BRIP1: variants seen among roughly 807,000 people sequenced by gnomAD.
BRIP1 encodes Fanconi anemia group J protein.
Under a neutral mutation model 119.7 loss-of-function variants are expected in BRIP1, and 88 were observed. The ratio of observed to expected loss-of-function variants is 0.74; its 90% CI spans 0.62 to 0.88. The LOEUF is 0.88. BRIP1 is among the 40% of genes least tolerant of loss of function. BRIP1 has a pLI of 0.00. For synonymous variants in BRIP1, 443 were observed against 496.5 expected, an observed-to-expected ratio of 0.89 and a Z score of 1.43; for missense variants, 1,259 against 1,455.4, an observed-to-expected ratio of 0.87 and a Z score of 2.20.
chr17:61,688,337 T>C (rs1281714533), intron 18 of BRIP1, among the ~76,000 whole-genome samples: 1 of 152,006 alleles, frequency 6.6e-6, no homozygotes, highest in Non-Finnish European at 1.5e-5. Flanking sequence ...AAGAATTAAC[T>C]GGGTATAGTG....
rs2077197820 is a variant in BRIP1 at position 61,756,167 on chromosome 17, C to T, written c.2098-11576G>A. Among the ~76,000 whole-genome samples the T allele has an allele frequency of 6.6e-6, 1 of 152,152 alleles. No individual in the cohort carries two copies. The highest frequency in any genetic ancestry group is 1.5e-5 in the Non-Finnish European group (1 of 68,026). ...GATAACAAAATATTTAGGTCTACAG[C>T]TTTTATATTCTCATTGCAGGTGACA... On this transcript the variant is annotated intron_variant, in intron 14 of 19. Transcript: ENST00000259008. The surrounding 1 kb of genome is among the most constrained non-coding windows in gnomAD (Gnocchi z 4.3).
chr17:61,763,882 T>C (rs1382418268), intron 14 of BRIP1, among the ~76,000 whole-genome samples: 1 of 152,160 alleles, frequency 6.6e-6, no homozygotes, highest in Non-Finnish European at 1.5e-5. Flanking sequence ...AAGTACAGCA[T>C]TTCTCTATGA....
intron 6 of BRIP1, among the ~76,000 whole-genome samples, chr17:61,812,403 A>G (rs2078176255): frequency 6.6e-6 from 1 of 152,152 alleles, no homozygotes; most frequent in African/African-American, 2.4e-5. Context: ...CTCATCCAAT[A>G]ATATATCTGA....
In BRIP1 at chr17:61,684,199, G is replaced by C; in HGVS notation, c.2906-59C>G. On this transcript the variant is annotated intron_variant, in intron 19 of 19. Coordinates refer to ENST00000259008, the MANE Select transcript of BRIP1 (RefSeq NM_032043.3). This position sits in a 1 kb window ranked among gnomAD's most constrained non-coding sequence, Gnocchi z 4.5. Reference sequence around the variant, plus strand: ...CTGCTCCTAGCTAACATAATTGCTAGGTTAAAATAATTATTTATTAGAAAT... The same window carrying C: ...CTGCTCCTAGCTAACATAATTGCTACGTTAAAATAATTATTTATTAGAAAT... 6.4e-7 allele frequency: 1 copy of C among 1,559,140 alleles called. No individual in the cohort carries two copies. The highest frequency in any genetic ancestry group is 1.8e-5 in the Admixed American group (1 of 56,038).
rs2077274020 is a variant in BRIP1 at position 61,761,340 on chromosome 17, G to T, written c.2097+15061C>A. Reference sequence around the variant, plus strand: ...AAAAAATTGAAAGCCTTACCTCTAAGATCTGGAACAAGACAAGGATGCCCA... The same window carrying T: ...AAAAAATTGAAAGCCTTACCTCTAATATCTGGAACAAGACAAGGATGCCCA... On this transcript the variant is annotated intron_variant, in intron 14 of 19. Transcript: ENST00000259008. The surrounding 1 kb of genome is among the most constrained non-coding windows in gnomAD (Gnocchi z 6.4). 6.6e-6 allele frequency among the ~76,000 whole-genome samples: 1 copy of T among 151,890 alleles called. No individual in the cohort carries two copies. The highest frequency in any genetic ancestry group is 6.6e-5 in the Admixed American group (1 of 15,228).
intron 13 of BRIP1, among the ~76,000 whole-genome samples, chr17:61,777,065 C>T (rs2077545888): frequency 6.6e-6 from 1 of 152,128 alleles, no homozygotes; most frequent in Admixed American, 6.6e-5. Context: ...CAGTTATTTG[C>T]AATTCTATCT....
intron 11 of BRIP1, among the ~76,000 whole-genome samples, chr17:61,782,436 T>C (rs964844098): frequency 6.8e-6 from 1 of 146,576 alleles, no homozygotes; most frequent in African/African-American, 2.5e-5. Flanking sequence ...AATCTTCATA[T>C]CAGATTTGGC....
At chr17:61,850,711 C>G (rs929896217) in intron 4 of BRIP1, among the ~76,000 whole-genome samples, 2 of 151,754 alleles carry the variant, frequency 1.3e-5, no homozygotes, top group African/African-American at 4.8e-5. Flanking sequence ...GCCTATAATC[C>G]CAGCTACTCG....
At chr17:61,772,160 T>C (rs1467341744) in intron 14 of BRIP1, among the ~76,000 whole-genome samples, 1 of 1,008 alleles carries the variant, frequency 9.9e-4, no homozygotes, top group East Asian at 6.4e-3. Context: ...TGTGAGATTA[T>C]ATATATATAT....
rs1486690041 is a variant in BRIP1 at position 61,734,916 on chromosome 17, CA to C, written c.2379+8096del. 6.6e-6 allele frequency among the ~76,000 whole-genome samples: 1 copy of C among 152,066 alleles called. No homozygotes were observed. The highest frequency in any genetic ancestry group is 2.4e-5 in the African/African-American group (1 of 41,400). ...ATCTTAACCTTTTTAAATATGAAGT[CA>C]AATGAAATAGACAAAATAATGCAGA... On this transcript the variant is annotated intron_variant, in intron 16 of 19. Coordinates refer to ENST00000259008, the MANE Select transcript of BRIP1 (RefSeq NM_032043.3). This position sits in a 1 kb window ranked among gnomAD's most constrained non-coding sequence, Gnocchi z 5.2.
rs876658312 is a variant in BRIP1, at chr17:61,808,599, C to A, written c.786G>T (p.Glu262Asp). 1 of 1,613,984 alleles carries A rather than the reference C, an allele frequency of 6.2e-7. No individual in the cohort carries two copies. Among genetic ancestry groups the A allele is most frequent in the Admixed American group, 1.7e-5 (1 of 60,010 alleles). Reference sequence around the variant, plus strand: ...CCCCTGAATATGCCGTCCTCCGGAGCTCTCTAGTAATCTGAGCAATCTGCT... The same window carrying A: ...CCCCTGAATATGCCGTCCTCCGGAGATCTCTAGTAATCTGAGCAATCTGCT... ...THKQIAQITR[E>D]LRRTAYSGVP... The change falls in exon 7 of 20, where the codon GAG (glutamate) becomes GAT (aspartate). Residue 262 changes from glutamate to aspartate, a missense_variant. Glu to Asp is a conservative substitution (Grantham distance 45). This residue lies in a region of BRIP1 where 501 missense variants were observed against 544.0 expected (regional missense o/e 0.92). Coordinates refer to ENST00000259008, the MANE Select transcript of BRIP1 (RefSeq NM_032043.3). The surrounding 1 kb of genome is among the most constrained non-coding windows in gnomAD (Gnocchi z 4.1).
In BRIP1 at chr17:61,769,641, T is replaced by A. The variant is rs1261256211; in HGVS notation, c.2097+6760A>T. ...CCAATATGTAAAGAACTGGAAGTCA[T>A]CACACCTGTTTTACAACAGAAAAAA... On this transcript the variant is annotated intron_variant, in intron 14 of 19. Transcript: ENST00000259008. This position sits in a 1 kb window ranked among gnomAD's most constrained non-coding sequence, Gnocchi z 4.9. Among the ~76,000 whole-genome samples, 1 of 152,158 alleles carries A rather than the reference T, an allele frequency of 6.6e-6. No individual in the cohort carries two copies. The highest frequency in any genetic ancestry group is 2.4e-5 in the African/African-American group (1 of 41,432).
chr17:61,812,821 T>TG (rs1211658082), intron 6 of BRIP1, among the ~76,000 whole-genome samples: 1 of 152,182 alleles, frequency 6.6e-6, no homozygotes, highest in African/African-American at 2.4e-5. Context: ...CTTTCAAAGA[T>TG]GAAGAGTTCG....
Position 61,815,600 on chromosome 17 carries a change from G to A in BRIP1, c.628-6843C>T, listed in dbSNP as rs1364519355. 6.6e-6 allele frequency among the ~76,000 whole-genome samples: 1 copy of A among 152,064 alleles called. No individual in the cohort carries two copies. The highest frequency in any genetic ancestry group is 1.5e-5 in the Non-Finnish European group (1 of 68,000). On this transcript the variant is annotated intron_variant, in intron 6 of 19. Transcript: ENST00000259008. This position sits in a 1 kb window ranked among gnomAD's most constrained non-coding sequence, Gnocchi z 4.1. ...AGGCTAAAATACTCAGTTCACTAAT[G>A]TATATTTCTAACTTCATTTTACAGA...
rs574559926 is a variant in BRIP1, at chr17:61,834,406, G to C, written c.627+12695C>G. ...GGCCCAATAATTACGATTTTTTTGA[G>C]AGCCTGGAGAAAACATAGTAGTGTT... On this transcript the variant is annotated intron_variant, in intron 6 of 19. Coordinates refer to ENST00000259008, the MANE Select transcript of BRIP1 (RefSeq NM_032043.3). The surrounding 1 kb of genome is among the most constrained non-coding windows in gnomAD (Gnocchi z 4.4). Among the ~76,000 whole-genome samples, 2 of 152,018 alleles carry C rather than the reference G, an allele frequency of 1.3e-5. No homozygotes were observed. Among genetic ancestry groups the C allele is most frequent in the African/African-American group, 4.8e-5 (2 of 41,388 alleles).
In BRIP1 at chr17:61,734,681, G is replaced by A. The variant is rs2076894514; in HGVS notation, c.2379+8332C>T. 6.6e-6 allele frequency among the ~76,000 whole-genome samples: 1 copy of A among 152,108 alleles called. No homozygotes were observed. The highest frequency in any genetic ancestry group is 1.9e-4 in the East Asian group (1 of 5,186). On this transcript the variant is annotated intron_variant, in intron 16 of 19. Coordinates refer to ENST00000259008, the MANE Select transcript of BRIP1 (RefSeq NM_032043.3). The surrounding 1 kb of genome is among the most constrained non-coding windows in gnomAD (Gnocchi z 5.2). Reference sequence around the variant, plus strand: ...GAGGAAATCCTGGTCACAGCCAAAGGAGTCATATTTTTGGCTCTAACATAC... The same window carrying A: ...GAGGAAATCCTGGTCACAGCCAAAGAAGTCATATTTTTGGCTCTAACATAC...
rs1378833405 is a variant in BRIP1, at chr17:61,730,496, G to A, written c.2379+12517C>T. On this transcript the variant is annotated intron_variant, in intron 16 of 19. Coordinates refer to ENST00000259008, the MANE Select transcript of BRIP1 (RefSeq NM_032043.3). This position sits in a 1 kb window ranked among gnomAD's most constrained non-coding sequence, Gnocchi z 4.3. Reference sequence around the variant, plus strand: ...AGGTAAGTGTCAATCAACCTTACAAGTCCTCAGGGTGATAATTTCACTTTT... The same window carrying A: ...AGGTAAGTGTCAATCAACCTTACAAATCCTCAGGGTGATAATTTCACTTTT... Among the ~76,000 whole-genome samples, 1 of 152,102 alleles carries A rather than the reference G, an allele frequency of 6.6e-6. No homozygotes were observed. Among genetic ancestry groups the A allele is most frequent in the African/African-American group, 2.4e-5 (1 of 41,404 alleles).
rs2144115408 is a variant in BRIP1 at position 61,686,062 on chromosome 17, A to G, written c.2679T>C (p.Asn893=). 1.9e-6 allele frequency: 3 copies of G among 1,614,030 alleles called. No homozygotes were observed. Among genetic ancestry groups the G allele is most frequent in the Non-Finnish European group, 2.5e-6 (3 of 1,179,908 alleles). The change falls in exon 19 of 20, where the codon AAT becomes AAC. Residue 893 remains asparagine (N), a synonymous_variant. Transcript: ENST00000259008. This position sits in a 1 kb window ranked among gnomAD's most constrained non-coding sequence, Gnocchi z 5.4. ...EFSKKHQKVL[N]VSIKDRTNIQ... is the part of the protein sequence containing the mutation. ...TATTGGTTCTGTCCTTTATGGATAC[A>G]TTAAGAACTTTTTGATGCTTTTTGG...
At position 61,823,302 on chromosome 17, in the gene BRIP1, G is replaced by T. The variant is rs532527766; in HGVS notation, c.628-14545C>A. Among the ~76,000 whole-genome samples the T allele has an allele frequency of 2.9e-4, 44 of 152,282 alleles. No homozygotes were observed. The highest frequency in any genetic ancestry group is 4.7e-4 in the Non-Finnish European group (32 of 68,016). On this transcript the variant is annotated intron_variant, in intron 6 of 19. Coordinates refer to ENST00000259008, the MANE Select transcript of BRIP1 (RefSeq NM_032043.3). The surrounding 1 kb of genome is among the most constrained non-coding windows in gnomAD (Gnocchi z 4.8). ...CTGCTTTTAGCCATACGAAAAAACA[G>T]AAATCTTATCTTGCACCATAAACTA... is the stretch of plus-strand genomic sequence containing the variant.
Sources: gnomAD v4.1 joint callset for allele counts (sites outside exome capture counted in the v4.1 genomes callset) on GRCh38, gnomAD v4.1.1 for gene constraint, gnomAD v4.1.1 regional missense constraint, Gnocchi (gnomAD v3.1) non-coding constraint, MANE v1.5 for transcripts, NCBI Gene and HGNC (gene_info 2026-07-23, HGNC 2026-07-21) for gene names.